KPNA3: variants seen among roughly 807,000 people sequenced by gnomAD.
The protein encoded by KPNA3 is importin subunit alpha-4.
A neutral mutation model predicts 73.8 loss-of-function variants in KPNA3; 13 were observed. The observed-to-expected ratio is 0.18, with a 90% CI of 0.11 to 0.28. KPNA3 has a LOEUF of 0.28. KPNA3 is among the 10% of genes least tolerant of loss of function. The pLI, the probability that KPNA3 is intolerant of heterozygous loss-of-function variation, is 1.00. For missense variants in KPNA3, 360 were observed against 618.1 expected (o/e 0.58, Z 4.43); for synonymous variants, 186 against 206.9 (o/e 0.90, Z 0.87).
At chr13:49,776,252 C>A (rs990401817) in intron 1 of KPNA3, among the ~76,000 whole-genome samples, 3 of 152,078 alleles carry the variant, frequency 2.0e-5, no homozygotes, top group Admixed American at 6.6e-5. Context: ...AGTATCAATT[C>A]TTTCTTCCAA....
intron 1 of KPNA3, among the ~76,000 whole-genome samples, chr13:49,750,783 G>A (rs1954655748): frequency 6.6e-6 from 1 of 152,194 alleles, no homozygotes; most frequent in Non-Finnish European, 1.5e-5. Flanking sequence ...CCTGAGGTCA[G>A]GAGTTCAAGA....
chr13:49,775,028 C>A (rs940799559), intron 1 of KPNA3, among the ~76,000 whole-genome samples: 35 of 152,000 alleles, frequency 2.3e-4, no homozygotes, highest in African/African-American at 8.0e-4. Context: ...GTGGCACACA[C>A]CTGTAATCCC....
chr13:49,733,293 T>TTG lies in KPNA3; in HGVS notation c.115-248_115-247insCA, dbSNP rs1443946077. Reference sequence around the variant, plus strand: ...GCACCCACTGTGGTGTTTTTTTTTTTTTTTTTTTTTGGAGACAAGAGTCTT... The same window carrying TTG: ...GCACCCACTGTGGTGTTTTTTTTTTTTGTTTTTTTTTTGGAGACAAGAGTCTT... On this transcript the variant is annotated intron_variant, in intron 2 of 16. Coordinates refer to ENST00000261667, the MANE Select transcript of KPNA3 (RefSeq NM_002267.4). 5.5e-4 allele frequency among the ~76,000 whole-genome samples: 78 copies of TTG among 141,914 alleles called. 1 individual carries two copies. The highest frequency in any genetic ancestry group is 1.9e-3 in the African/African-American group (77 of 39,524). The allele number at this position is 141,914 out of a possible 152,430, so 93.1% of individuals were successfully genotyped here.
intron 5 of KPNA3, 53 bp downstream of exon 5, chr13:49,732,552 G>C: frequency 6.8e-7 from 1 of 1,470,608 alleles, no homozygotes; most frequent in Non-Finnish European, 9.5e-7. Flanking sequence ...AGACTACCAG[G>C]TAACACAACT....
intron 1 of KPNA3, among the ~76,000 whole-genome samples, chr13:49,787,900 G>C (rs192953697): frequency 2.2e-4 from 34 of 152,078 alleles, no homozygotes; most frequent in Middle Eastern, 3.4e-3. Flanking sequence ...GGCTGGTCTC[G>C]AACTCCTGAC....
At chr13:49,763,204 G>A (rs7984061) in intron 1 of KPNA3, among the ~76,000 whole-genome samples, 128,569 of 152,110 alleles carry the variant, frequency 0.85, 54,574 homozygotes, top group East Asian at 1. Context: ...TCTGAAAAAT[G>A]AAAAGAACCA....
intron 9 of KPNA3, 55 bp downstream of exon 9, chr13:49,721,900 T>C: frequency 8.2e-7 from 1 of 1,226,508 alleles, no homozygotes; most frequent in Non-Finnish European, 1.1e-6. Context: ...TATGAATTCC[T>C]GAAGTACAAA....
intron 2 of KPNA3, among the ~76,000 whole-genome samples, chr13:49,733,410 T>TCCTGAG (rs1023286229): frequency 1.6e-4 from 24 of 148,778 alleles, no homozygotes; most frequent in African/African-American, 5.2e-4. Flanking sequence ...TGCCTCAAAC[T>TCCTGAG]CCTGAGTAGC....
In KPNA3 at chr13:49,734,030, G is replaced by C. The variant is rs372771005; in HGVS notation, c.115-984C>G. ...TGTTTTAAGCTACATAGTTTGGAGT[G>C]GTGTATTATGAAGCAAAAAACTAGA... On this transcript the variant is annotated intron_variant, in intron 2 of 16. Transcript: ENST00000261667. Among the ~76,000 whole-genome samples, 21 of 152,186 alleles carry C rather than the reference G, an allele frequency of 1.4e-4. No individual in the cohort carries two copies. In the South Asian group the frequency reaches 2.3e-3, roughly 17 times the overall value.
chr13:49,785,338 C>T (rs112512078), intron 1 of KPNA3, among the ~76,000 whole-genome samples: 1 of 152,056 alleles, frequency 6.6e-6, no homozygotes, highest in Non-Finnish European at 1.5e-5. Flanking sequence ...CACAGAGATT[C>T]GAGCTACATA....
chr13:49,710,778 G>A, intron 11 of KPNA3, 113 bp downstream of exon 11: 1 of 950,872 alleles, frequency 1.1e-6, no homozygotes, highest in Non-Finnish European at 1.6e-6. Context: ...GGGACTAGCA[G>A]AAGAAATGTG....
rs79939107 is a variant in KPNA3 at position 49,735,003 on chromosome 13, A to C, written c.115-1957T>G. 7.7e-3 allele frequency among the ~76,000 whole-genome samples: 1,175 copies of C among 151,930 alleles called. 16 individuals are homozygous for C. Among genetic ancestry groups the C allele is most frequent in the African/African-American group, 0.027 (1,111 of 41,446 alleles). On this transcript the variant is annotated intron_variant, in intron 2 of 16. Coordinates refer to ENST00000261667, the MANE Select transcript of KPNA3 (RefSeq NM_002267.4). ...TTCTATTAGGCATATACTAGTTTAGAGCTATTATAGCTTCTTTGTAAATTA... is the reference window on the plus strand; with the variant it reads ...TTCTATTAGGCATATACTAGTTTAGCGCTATTATAGCTTCTTTGTAAATTA...
rs61749883 is a variant in KPNA3, at chr13:49,709,659, G to A, written c.945C>T (p.Thr315=). 8,491 of 1,613,820 alleles carry A rather than the reference G, an allele frequency of 5.3e-3. 17 individuals carry two copies. The highest frequency in any genetic ancestry group is 6.2e-3 in the Non-Finnish European group (7,266 of 1,179,818). The change falls in exon 12 of 17, where the codon ACC becomes ACT. Residue 315 remains threonine, a synonymous_variant. Transcript: ENST00000261667. ...LRAVGNIVTG[T]DEQTQVVLNC... Reference sequence around the variant, plus strand: ...TGAGAACAACCTGGGTCTGCTCGTCGGTGCCAGTCACTATGTTGCCAACTG... The same window carrying A: ...TGAGAACAACCTGGGTCTGCTCGTCAGTGCCAGTCACTATGTTGCCAACTG...
Position 49,761,811 on chromosome 13 carries a change from C to T in KPNA3, c.70-14818G>A, listed in dbSNP as rs543766902. Among the ~76,000 whole-genome samples the T allele has an allele frequency of 1.5e-4, 23 of 151,194 alleles. No homozygotes were observed. The East Asian group carries it at 3.7e-3, about 24-fold the overall frequency. On this transcript the variant is annotated intron_variant, in intron 1 of 16. Transcript: ENST00000261667. The stretch of plus-strand genomic sequence containing the variant: ...GAAGCGAGGAGCATCTCTGCCCGGC[C>T]GCCCATCGTCTGAGATGTGGGGAGC...
chr13:49,779,333 A>C (rs1440370099), intron 1 of KPNA3, among the ~76,000 whole-genome samples: 3 of 152,190 alleles, frequency 2.0e-5, no homozygotes, highest in Admixed American at 6.5e-5. Flanking sequence ...ATTACCTCTT[A>C]GACCCTTCAT....
At chr13:49,709,423 G>C in intron 12 of KPNA3, 149 bp downstream of exon 12, 1 of 447,378 alleles carries the variant, frequency 2.2e-6, no homozygotes, top group Non-Finnish European at 3.7e-6. Context: ...AAAAGTTGAA[G>C]AAAAACATTT....
intron 2 of KPNA3, among the ~76,000 whole-genome samples, chr13:49,740,491 G>A (rs892161001): frequency 7.2e-5 from 11 of 151,956 alleles, no homozygotes; most frequent in East Asian, 3.9e-4. Flanking sequence ...TCTTTCCTGC[G>A]CTGTTCTCAT....
At chr13:49,761,271 G>C (rs1954757417) in intron 1 of KPNA3, among the ~76,000 whole-genome samples, 1 of 151,658 alleles carries the variant, frequency 6.6e-6, no homozygotes, top group Non-Finnish European at 1.5e-5. Context: ...TCTCCCCACG[G>C]TCTCCCTCTA....
At chr13:49,716,507 C>T (rs780255885) in intron 10 of KPNA3, among the ~76,000 whole-genome samples, 5 of 152,054 alleles carry the variant, frequency 3.3e-5, no homozygotes, top group Non-Finnish European at 5.9e-5. Flanking sequence ...GGCGTGATCT[C>T]GGTTCATTGC....
Sources: gnomAD v4.1 joint callset for allele counts (sites outside exome capture counted in the v4.1 genomes callset) on GRCh38, gnomAD v4.1.1 for gene constraint, MANE v1.5 for transcripts, NCBI Gene and HGNC (gene_info 2026-07-23, HGNC 2026-07-21) for gene names.